NEGR1: variants seen among roughly 807,000 people sequenced by gnomAD.
NEGR1 encodes neuronal growth regulator 1.
NEGR1 carries 10 observed loss-of-function variants against 40.9 expected under a neutral mutation model. The observed-to-expected ratio is 0.24, with a 90% confidence interval of 0.15 to 0.42. The LOEUF (loss-of-function observed/expected upper bound fraction) is 0.42. Among genes scored for constraint, NEGR1 ranks in the 10% least tolerant of loss-of-function variants. NEGR1 has a pLI of 1.00. For missense variants in NEGR1, 352 were observed against 438.9 expected, an observed-to-expected ratio of 0.80 and a Z score of 1.77; for synonymous variants, 185 against 166.8, an observed-to-expected ratio of 1.11 and a Z score of -0.84.
At chr1:72,236,768 TA>T (rs1654561624) in intron 1 of NEGR1, among the ~76,000 whole-genome samples, 1 of 151,986 alleles carries the variant, frequency 6.6e-6, no homozygotes, top group Admixed American at 6.6e-5. Flanking sequence ...TTTTTGATGA[TA>T]TAATTCATTT....
At chr1:72,027,148 G>C (rs1407115890) in intron 1 of NEGR1, among the ~76,000 whole-genome samples, 3 of 151,994 alleles carry the variant, frequency 2.0e-5, no homozygotes, top group Non-Finnish European at 2.9e-5. Flanking sequence ...GGATGGTCTC[G>C]ATCTCCTGAC....
chr1:72,255,547 C>CT (rs35452808), intron 1 of NEGR1, among the ~76,000 whole-genome samples: 4,105 of 125,318 alleles, frequency 0.033, 135 homozygotes, highest in African/African-American at 0.058. Context: ...AAAAATACTT[C>CT]TTTTTTTTTT....
intron 6 of NEGR1, chr1:71,468,594 AACAGATCTAC>A (rs1157173085): frequency 1.3e-5 from 2 of 152,032 alleles, no homozygotes; most frequent in African/African-American, 4.8e-5. Flanking sequence ...AGAGCCATAA[AACAGATCTAC>A]AGCCTGCTGG....
intron 2 of NEGR1, among the ~76,000 whole-genome samples, chr1:71,916,645 A>AC (rs1557432139): frequency 6.6e-6 from 1 of 152,166 alleles, no homozygotes; most frequent in African/African-American, 2.4e-5. Context: ...AATCACAGCT[A>AC]CTTGGGAGGC....
At chr1:71,672,175 G>A in intron 4 of NEGR1, among the ~76,000 whole-genome samples, 1 of 152,040 alleles carries the variant, frequency 6.6e-6, no homozygotes, top group East Asian at 1.9e-4. Context: ...TTGGTTTCTG[G>A]ATTTAATACC....
At chr1:71,426,096 T>C (rs750659261) in intron 6 of NEGR1, among the ~76,000 whole-genome samples, 8 of 152,190 alleles carry the variant, frequency 5.3e-5, no homozygotes, top group Non-Finnish European at 1.0e-4. Flanking sequence ...AGTAATGCCT[T>C]AGCTCATCTT....
Position 71,403,716 on chromosome 1 carries a change from A to C in NEGR1, c.*3730T>G, listed in dbSNP as rs891215964. ...CTTTCTCTTAAGCTAATAGAGTTTT[A>C]AAATGAGTCAAATACATATTTTAAT... On this transcript the variant is annotated 3_prime_UTR_variant, in exon 7 of 7. Coordinates refer to ENST00000357731, the MANE Select transcript of NEGR1 (RefSeq NM_173808.3). 2 of 345,140 alleles carry C rather than the reference A, an allele frequency of 5.8e-6. No homozygotes were observed. Among genetic ancestry groups the C allele is most frequent in the African/African-American group, 4.2e-5 (2 of 47,592 alleles). 21.4% of individuals were successfully genotyped at this position (345,140 alleles called of 1,614,324 possible).
At chr1:72,119,561 G>A (rs1649720502) in intron 1 of NEGR1, among the ~76,000 whole-genome samples, 1 of 151,882 alleles carries the variant, frequency 6.6e-6, no homozygotes, top group Non-Finnish European at 1.5e-5. Flanking sequence ...TATCATATTG[G>A]CAGAAATATG....
chr1:72,016,666 C>A (rs1646712784), intron 1 of NEGR1, among the ~76,000 whole-genome samples: 1 of 152,152 alleles, frequency 6.6e-6, no homozygotes, highest in South Asian at 2.1e-4. Flanking sequence ...AAAAGATGCA[C>A]AGCAACTTAT....
chr1:71,986,723 C>G (rs1251247693), intron 1 of NEGR1, among the ~76,000 whole-genome samples: 2 of 152,216 alleles, frequency 1.3e-5, no homozygotes, highest in Non-Finnish European at 2.9e-5. Context: ...TCCCTGATAT[C>G]CTGACCAGCC....
At chr1:72,016,117 C>A (rs1006929360) in intron 1 of NEGR1, among the ~76,000 whole-genome samples, 6 of 151,464 alleles carry the variant, frequency 4.0e-5, no homozygotes, top group African/African-American at 1.2e-4. Flanking sequence ...TTTTGTTGTT[C>A]AGTCACTGAT....
chr1:71,412,994 C>G (rs1204227147), intron 6 of NEGR1, among the ~76,000 whole-genome samples: 1 of 150,050 alleles, frequency 6.7e-6, no homozygotes, highest in Non-Finnish European at 1.5e-5. Context: ...AAAGCTAAGA[C>G]ATTCTAGTCT....
At chr1:72,155,140 C>T (rs887628782) in intron 1 of NEGR1, among the ~76,000 whole-genome samples, 10 of 151,932 alleles carry the variant, frequency 6.6e-5, no homozygotes, top group African/African-American at 1.4e-4. Context: ...ATCTCAATTA[C>T]GCCTTGAGTA....
chr1:71,545,125 A>C (rs1040517473), intron 6 of NEGR1, among the ~76,000 whole-genome samples: 3 of 151,618 alleles, frequency 2.0e-5, no homozygotes, highest in Admixed American at 6.6e-5. Context: ...AAACAACAAC[A>C]AAAAAATGAA....
At chr1:71,822,181 C>T (rs999994110) in intron 2 of NEGR1, among the ~76,000 whole-genome samples, 3 of 151,832 alleles carry the variant, frequency 2.0e-5, no homozygotes, top group African/African-American at 4.8e-5. Context: ...AGAAGTGGCA[C>T]AGAAAGTAGC....
chr1:72,182,071 C>T (rs551068422), intron 1 of NEGR1, among the ~76,000 whole-genome samples: 1 of 152,066 alleles, frequency 6.6e-6, no homozygotes, highest in South Asian at 2.1e-4. Flanking sequence ...AAAGCAAATA[C>T]AAAAAATGGG....
chr1:72,150,435 T>C (rs1403897262), intron 1 of NEGR1, among the ~76,000 whole-genome samples: 42 of 152,132 alleles, frequency 2.8e-4, no homozygotes, highest in Non-Finnish European at 5.9e-5. Context: ...AAAAATAAAC[T>C]GAAATGAATT....
rs530147970 is a variant in NEGR1, at chr1:72,021,498, T to C, written c.177-86187A>G. 2.0e-5 allele frequency among the ~76,000 whole-genome samples: 3 copies of C among 152,144 alleles called. No individual in the cohort carries two copies. The South Asian group carries it at 6.2e-4, about 32-fold the overall frequency. ...AAGAAAATTAATATTAGCAAATAGC[T>C]GGCAAAGTTAATAAATCGGAGATAA... On this transcript the variant is annotated intron_variant, in intron 1 of 6. Transcript: ENST00000357731.
intron 3 of NEGR1, among the ~76,000 whole-genome samples, chr1:71,737,575 TA>T (rs1655079560): frequency 6.6e-6 from 1 of 152,192 alleles, no homozygotes; most frequent in Admixed American, 6.5e-5. Flanking sequence ...AAATAGAGAC[TA>T]AAACTTATTT....
Sources: gnomAD v4.1 joint callset for allele counts (sites outside exome capture counted in the v4.1 genomes callset) on GRCh38, gnomAD v4.1.1 for gene constraint, MANE v1.5 for transcripts, NCBI Gene and HGNC (gene_info 2026-07-23, HGNC 2026-07-21) for gene names.